The following SLC25A21 variants were observed in gnomAD, a reference collection of about 807,000 sequenced individuals.
SLC25A21 encodes mitochondrial 2-oxodicarboxylate carrier.
SLC25A21 carries 47 observed loss-of-function variants against 43.8 expected under a neutral mutation model. The observed-to-expected ratio is 1.07, with a 90% confidence interval of 0.85 to 1.37. The LOEUF (loss-of-function observed/expected upper bound fraction) is 1.37, where lower values mean the gene tolerates loss of function less well. SLC25A21 is among the 40% of genes most tolerant of loss of function. The probability of loss-of-function intolerance (pLI) is 0.00; values close to 1 mark genes in which losing one functional copy is unlikely to be tolerated. For synonymous variants in SLC25A21, 131 were observed against 121.3 expected (o/e 1.08, Z -0.52); for missense variants, 352 against 350.2 (o/e 1.00, Z -0.04).
At chr14:36,860,157 C>A (rs536486607) in intron 2 of SLC25A21, among the ~76,000 whole-genome samples, 3 of 150,356 alleles carry the variant, frequency 2.0e-5, no homozygotes, top group East Asian at 3.9e-4. Context: ...AAGAGAGACA[C>A]ACGGGAGGCC....
At chr14:36,776,794 G>A (rs1886852452) in intron 3 of SLC25A21, among the ~76,000 whole-genome samples, 1 of 152,036 alleles carries the variant, frequency 6.6e-6, no homozygotes, top group Non-Finnish European at 1.5e-5. Flanking sequence ...GCGATTATCA[G>A]AAGGATATCT....
chr14:36,765,726 C>A (rs1178015889), intron 3 of SLC25A21, among the ~76,000 whole-genome samples: 2 of 152,176 alleles, frequency 1.3e-5, no homozygotes, highest in African/African-American at 2.4e-5. Context: ...TTCAAAGGAT[C>A]TTGAAACATC....
At chr14:37,139,204 A>T (rs1350222848) in intron 1 of SLC25A21, among the ~76,000 whole-genome samples, 1 of 152,114 alleles carries the variant, frequency 6.6e-6, no homozygotes, top group African/African-American at 2.4e-5. Flanking sequence ...TCATCTAAAC[A>T]TCTGTCTCCA....
chr14:37,006,219 C>G (rs1381159704), intron 1 of SLC25A21, among the ~76,000 whole-genome samples: 1 of 152,012 alleles, frequency 6.6e-6, no homozygotes. Flanking sequence ...AACATTCGAA[C>G]AGATATATGT....
intron 1 of SLC25A21, among the ~76,000 whole-genome samples, chr14:37,036,217 A>C (rs1728711096): frequency 6.6e-6 from 1 of 152,138 alleles, no homozygotes; most frequent in Admixed American, 6.5e-5. Flanking sequence ...CTTTTTTGGA[A>C]CACTTTTAGC....
intron 3 of SLC25A21, among the ~76,000 whole-genome samples, chr14:36,763,359 T>C (rs1168701929): frequency 6.6e-6 from 1 of 152,230 alleles, no homozygotes; most frequent in African/African-American, 2.4e-5. Context: ...TGGACTCAGT[T>C]AGTGCTGGAG....
intron 1 of SLC25A21, among the ~76,000 whole-genome samples, chr14:36,962,450 T>C (rs1057171501): frequency 1.2e-4 from 18 of 152,316 alleles, no homozygotes; most frequent in African/African-American, 4.1e-4. Flanking sequence ...TTTTATATCC[T>C]TTGATCTACA....
chr14:37,171,021 T>A (rs1304109003), intron 1 of SLC25A21, among the ~76,000 whole-genome samples: 1 of 148,018 alleles, frequency 6.8e-6, no homozygotes, highest in Non-Finnish European at 1.5e-5. Flanking sequence ...ACCCGGGAGT[T>A]GGAGCAGCGA....
intron 1 of SLC25A21, among the ~76,000 whole-genome samples, chr14:37,166,785 A>G (rs1964036521): frequency 6.6e-6 from 1 of 152,330 alleles, no homozygotes; most frequent in East Asian, 1.9e-4. Context: ...TATCTTCTTG[A>G]TGAAGCTAGG....
chr14:36,847,954 G>A (rs116689881), intron 2 of SLC25A21, among the ~76,000 whole-genome samples: 1 of 152,150 alleles, frequency 6.6e-6, no homozygotes, highest in African/African-American at 2.4e-5. Flanking sequence ...TGGAAGGGGG[G>A]CCCTAAGGAA....
intron 1 of SLC25A21, among the ~76,000 whole-genome samples, chr14:37,016,469 G>C (rs9743502): frequency 0.38 from 58,205 of 151,992 alleles, 12,063 homozygotes; most frequent in African/African-American, 0.55. Flanking sequence ...TTTGAAGTCA[G>C]GTAGCGTGAT....
intron 1 of SLC25A21, among the ~76,000 whole-genome samples, chr14:37,089,729 A>T (rs1168360645): frequency 6.6e-6 from 1 of 152,202 alleles, no homozygotes; most frequent in Non-Finnish European, 1.5e-5. Context: ...GTGGGTTTTC[A>T]AAAAGAAGGG....
chr14:36,822,966 T>C (rs1888688836), intron 2 of SLC25A21, among the ~76,000 whole-genome samples: 1 of 152,232 alleles, frequency 6.6e-6, no homozygotes, highest in African/African-American at 2.4e-5. Context: ...TATGGTGAAA[T>C]AGATCTAGTT....
At chr14:36,782,389 C>G (rs1259758142) in intron 3 of SLC25A21, among the ~76,000 whole-genome samples, 1 of 152,078 alleles carries the variant, frequency 6.6e-6, no homozygotes, top group East Asian at 1.9e-4. Context: ...TGATGGTGCC[C>G]CATAAATCCT....
chr14:36,810,130 TC>T (rs1022126824), intron 3 of SLC25A21, among the ~76,000 whole-genome samples: 3 of 152,182 alleles, frequency 2.0e-5, no homozygotes, highest in African/African-American at 7.2e-5. Flanking sequence ...AGACTAGAGC[TC>T]TTTGGCTTTT....
chr14:36,896,273 T>A (rs1891235621), intron 1 of SLC25A21, among the ~76,000 whole-genome samples: 1 of 152,214 alleles, frequency 6.6e-6, no homozygotes, highest in Non-Finnish European at 1.5e-5. Context: ...CTTGTTGAAT[T>A]GATCCCTTTA....
intron 2 of SLC25A21, among the ~76,000 whole-genome samples, chr14:36,837,430 G>A (rs924875109): frequency 5.3e-5 from 8 of 152,074 alleles, no homozygotes; most frequent in Admixed American, 1.3e-4. Context: ...ATTCCAAGAA[G>A]GGGCTGCGTT....
chr14:36,690,387 G>T (rs1882746789), intron 7 of SLC25A21, among the ~76,000 whole-genome samples: 1 of 152,074 alleles, frequency 6.6e-6, no homozygotes, highest in Non-Finnish European at 1.5e-5. Context: ...CATTTTACAG[G>T]TAAGGACATG....
intron 7 of SLC25A21, among the ~76,000 whole-genome samples, chr14:36,693,446 T>C (rs1169564976): frequency 6.6e-6 from 1 of 152,146 alleles, no homozygotes; most frequent in East Asian, 1.9e-4. Flanking sequence ...CATTAAAAAT[T>C]ATCATCATGG....
Sources: gnomAD v4.1 joint callset for allele counts (sites outside exome capture counted in the v4.1 genomes callset) on GRCh38, gnomAD v4.1.1 for gene constraint, MANE v1.5 for transcripts, NCBI Gene and HGNC (gene_info 2026-07-23, HGNC 2026-07-21) for gene names.